Variants in PAK5 observed in about 807,000 individuals in gnomAD.
The protein encoded by PAK5 is p21 (RAC1) activated kinase 5.
Under a neutral mutation model 65.9 loss-of-function variants are expected in PAK5, and 16 were observed. That is an observed-to-expected ratio of 0.24 (90% CI 0.16 to 0.37). PAK5 has a LOEUF of 0.37. Among genes scored for constraint, PAK5 ranks in the 10% least tolerant of loss-of-function variants. PAK5 has a pLI of 1.00. For synonymous variants in PAK5, 371 were observed against 354.9 expected, an observed-to-expected ratio of 1.05 and a Z score of -0.51; for missense variants, 785 against 903.9, an observed-to-expected ratio of 0.87 and a Z score of 1.69.
rs1569079324 is a variant in PAK5 at position 9,766,495 on chromosome 20, AATATATATATATATATATTCAAGCAGAAT to A, written c.-161-55089_-161-55061del. 9.6e-4 allele frequency among the ~76,000 whole-genome samples: 34 copies of A among 35,356 alleles called. 5 individuals carry two copies. The highest frequency in any genetic ancestry group is 7.3e-3 in the African/African-American group (32 of 4,402). The allele number at this position is 35,356 out of a possible 152,430, so 23.2% of individuals were successfully genotyped here. ...TATATGTATATATATATTCAAGCAGAATATATATATATATATATTCAAGCAGAATATATATATATATATATATATATATA... is the reference window on the plus strand; with the variant it reads ...TATATGTATATATATATTCAAGCAGAATATATATATATATATATATATATA... On this transcript the variant is annotated intron_variant, in intron 1 of 9. Coordinates refer to ENST00000353224, the MANE Select transcript of PAK5 (RefSeq NM_177990.4).
At chr20:9,772,674 G>A (rs929526057) in intron 1 of PAK5, among the ~76,000 whole-genome samples, 1 of 152,218 alleles carries the variant, frequency 6.6e-6, no homozygotes, top group African/African-American at 2.4e-5. Context: ...ATTACTCCCT[G>A]TGTTTGGTGG....
At chr20:9,616,764 C>G (rs1420552991) in intron 3 of PAK5, among the ~76,000 whole-genome samples, 1 of 152,170 alleles carries the variant, frequency 6.6e-6, no homozygotes, top group African/African-American at 2.4e-5. Flanking sequence ...TGATAACCTT[C>G]CCTATTCTGG....
At chr20:9,547,197 A>T (rs1167598718) in intron 7 of PAK5, among the ~76,000 whole-genome samples, 1 of 152,194 alleles carries the variant, frequency 6.6e-6, no homozygotes, top group Non-Finnish European at 1.5e-5. Flanking sequence ...AACCACCAGA[A>T]ACCAGGAGAA....
At chr20:9,640,736 G>A (rs376986955) in intron 3 of PAK5, among the ~76,000 whole-genome samples, 1 of 152,098 alleles carries the variant, frequency 6.6e-6, no homozygotes, top group East Asian at 1.9e-4. Flanking sequence ...CGCTGGCTCA[G>A]GAGTGAAGCT....
At chr20:9,750,930 C>A (rs894329798) in intron 1 of PAK5, among the ~76,000 whole-genome samples, 1 of 152,136 alleles carries the variant, frequency 6.6e-6, no homozygotes, top group Non-Finnish European at 1.5e-5. Flanking sequence ...CAAGCCCAGG[C>A]CACATGTCTG....
intron 1 of PAK5, among the ~76,000 whole-genome samples, chr20:9,790,483 A>T (rs77579801): frequency 1.3e-5 from 2 of 152,090 alleles, no homozygotes; most frequent in African/African-American, 4.8e-5. Flanking sequence ...TCTTAAAAAA[A>T]GCCAACTTAT....
At chr20:9,797,737 A>C (rs2049122048) in intron 1 of PAK5, among the ~76,000 whole-genome samples, 1 of 124,248 alleles carries the variant, frequency 8.0e-6, no homozygotes, top group Non-Finnish European at 1.6e-5. Flanking sequence ...AGATGAACTG[A>C]CTTATGAGAA....
At chr20:9,773,728 A>G (rs1037641676) in intron 1 of PAK5, among the ~76,000 whole-genome samples, 3 of 152,218 alleles carry the variant, frequency 2.0e-5, no homozygotes, top group African/African-American at 7.2e-5. Flanking sequence ...CCTTGGCATA[A>G]CTATGGCTAA....
intron 1 of PAK5, among the ~76,000 whole-genome samples, chr20:9,760,044 AT>A (rs755707108): frequency 1.3e-5 from 2 of 152,172 alleles, no homozygotes; most frequent in Non-Finnish European, 2.9e-5. Flanking sequence ...GTGTGTAAAT[AT>A]TTGTAATTAA....
chr20:9,693,137 A>G (rs114356074), intron 2 of PAK5, among the ~76,000 whole-genome samples: 3,808 of 152,168 alleles, frequency 0.025, 103 homozygotes, highest in African/African-American at 0.067. Context: ...GGTTCCGTGG[A>G]TGGCAAATAA....
At chr20:9,742,404 A>G (rs1191140938) in intron 1 of PAK5, among the ~76,000 whole-genome samples, 1 of 152,230 alleles carries the variant, frequency 6.6e-6, no homozygotes, top group Non-Finnish European at 1.5e-5. Flanking sequence ...TCACTTTCTC[A>G]TTAATCAGAT....
chr20:9,634,808 T>C (rs565388875), intron 3 of PAK5, among the ~76,000 whole-genome samples: 1 of 152,206 alleles, frequency 6.6e-6, no homozygotes, highest in East Asian at 1.9e-4. Flanking sequence ...TTCCACAGTC[T>C]TTGTGGTGGT....
chr20:9,788,450 C>A (rs1027986389), intron 1 of PAK5, among the ~76,000 whole-genome samples: 31 of 151,960 alleles, frequency 2.0e-4, no homozygotes, highest in African/African-American at 7.5e-4. Flanking sequence ...AACAGCTAAC[C>A]CTCTTCAACT....
chr20:9,545,581 T>C (rs6056687), intron 7 of PAK5, among the ~76,000 whole-genome samples: 27,921 of 152,150 alleles, frequency 0.18, 3,295 homozygotes, highest in African/African-American at 0.33. Context: ...CCAACCTTTT[T>C]TTTCTGGCTC....
chr20:9,696,526 T>C (rs746324553), intron 2 of PAK5, among the ~76,000 whole-genome samples: 2 of 152,112 alleles, frequency 1.3e-5, no homozygotes, highest in Non-Finnish European at 2.9e-5. Context: ...ATCTTCCAAA[T>C]AGGACTGCCC....
At chr20:9,577,669 A>G (rs73243581) in intron 4 of PAK5, 1 of 152,242 alleles carries the variant, frequency 6.6e-6, no homozygotes, top group African/African-American at 2.4e-5. Context: ...TTTTTAATCA[A>G]GTGAACGTTT....
intron 1 of PAK5, among the ~76,000 whole-genome samples, chr20:9,761,801 T>G (rs2048703348): frequency 6.6e-6 from 1 of 150,408 alleles, no homozygotes. Context: ...ATATTTTAAA[T>G]ACACACAAGA....
intron 2 of PAK5, among the ~76,000 whole-genome samples, chr20:9,663,567 T>C (rs532823627): frequency 6.6e-6 from 1 of 152,178 alleles, no homozygotes; most frequent in Non-Finnish European, 1.5e-5. Flanking sequence ...ACTTTTAAAA[T>C]GGAAAGGGGC....
chr20:9,707,698 G>A (rs150845204), intron 2 of PAK5, among the ~76,000 whole-genome samples: 1 of 152,104 alleles, frequency 6.6e-6, no homozygotes, highest in South Asian at 2.1e-4. Flanking sequence ...TTATTCTCTT[G>A]AATAAGTGAT....
Sources: allele counts gnomAD v4.1 joint callset (sites outside exome capture counted in the v4.1 genomes callset), GRCh38; gene constraint gnomAD v4.1.1; transcripts MANE v1.5; gene names NCBI Gene and HGNC (gene_info 2026-07-23, HGNC 2026-07-21).